The following SNTG1 variants were observed in gnomAD, a reference collection of about 807,000 sequenced individuals.
The protein encoded by SNTG1 is syntrophin gamma 1.
Under a neutral mutation model 74.7 loss-of-function variants are expected in SNTG1, and 39 were observed. The observed-to-expected ratio is 0.52, with a 90% CI of 0.40 to 0.68. The LOEUF (loss-of-function observed/expected upper bound fraction) is 0.68. Ranked by LOEUF, SNTG1 falls within the 30% of genes least tolerant of loss-of-function variation. The pLI is 0.00. For synonymous variants in SNTG1, 254 were observed against 217.1 expected (o/e 1.17, Z -1.49); for missense variants, 685 against 609.5 (o/e 1.12, Z -1.30).
At chr8:50,597,326 TAC>T (rs1397507215) in intron 13 of SNTG1, among the ~76,000 whole-genome samples, 7 of 148,798 alleles carry the variant, frequency 4.7e-5, no homozygotes, top group Non-Finnish European at 1.0e-4. Context: ...CACGTATATA[TAC>T]ACATATATAT....
intron 15 of SNTG1, among the ~76,000 whole-genome samples, chr8:50,662,688 G>T (rs532010172): frequency 6.6e-6 from 1 of 152,282 alleles, no homozygotes; most frequent in South Asian, 2.1e-4. Context: ...AGCCAGCCTG[G>T]TACTGATGAG....
chr8:49,981,270 C>G (rs892878946), intron 1 of SNTG1, among the ~76,000 whole-genome samples: 3 of 152,176 alleles, frequency 2.0e-5, no homozygotes, highest in South Asian at 4.1e-4. Context: ...AAAAAATAAA[C>G]TGGCACCAGA....
chr8:50,333,778 T>C (rs1243064068), intron 2 of SNTG1, among the ~76,000 whole-genome samples: 1 of 151,996 alleles, frequency 6.6e-6, no homozygotes, highest in Non-Finnish European at 1.5e-5. Flanking sequence ...CAAAATAAAC[T>C]AACTAATAAT....
At chr8:50,149,020 G>A (rs1172089889) in intron 1 of SNTG1, among the ~76,000 whole-genome samples, 2 of 152,174 alleles carry the variant, frequency 1.3e-5, no homozygotes, top group Non-Finnish European at 2.9e-5. Context: ...CACCAACAGT[G>A]TAAAAGCGTC....
In SNTG1 at chr8:50,450,574, T is replaced by C. The variant is rs763268924; in HGVS notation, c.296T>C (p.Leu99Pro). ...TTCACAGCGGAACTTTCAGGACTAC[T>C]TTTTATTGGAGATGCAATTCTACAG... ...KEQRAELSGL[L>P]FIGDAILQIN... Residue 99 changes from leucine to proline, a missense_variant, in exon 7 of 19, where the codon CTT becomes CCT. Physicochemically the swap from Leu to Pro is moderately conservative, Grantham distance 98 (BLOSUM62 -3). Transcript: ENST00000642720. 6.2e-7 allele frequency: 1 copy of C among 1,613,494 alleles called. No individual in the cohort carries two copies. The highest frequency in any genetic ancestry group is 1.7e-5 in the Admixed American group (1 of 60,018).
At chr8:50,498,656 T>C (rs2093924837) in intron 8 of SNTG1, among the ~76,000 whole-genome samples, 2 of 151,882 alleles carry the variant, frequency 1.3e-5, no homozygotes, top group Admixed American at 6.6e-5. Flanking sequence ...ACTACAAAAA[T>C]AAATCCTGCC....
chr8:50,413,561 A>G (rs1563352979), intron 4 of SNTG1, among the ~76,000 whole-genome samples: 1 of 152,162 alleles, frequency 6.6e-6, no homozygotes, highest in Admixed American at 6.6e-5. Context: ...ATCTATCTGA[A>G]GATGTATTTT....
intron 4 of SNTG1, among the ~76,000 whole-genome samples, 160 bp downstream of exon 4, chr8:50,402,504 C>T (rs189432123): frequency 8.5e-5 from 13 of 152,258 alleles, no homozygotes; most frequent in East Asian, 3.9e-4. Flanking sequence ...CGGCCCTGTA[C>T]GAGAACCTTG....
At position 49,984,443 on chromosome 8, in the gene SNTG1, A is replaced by T. The variant is rs1461224223; in HGVS notation, c.-103+72212A>T. ...TGATCTCAAACTCCTGACCTCAGGTAATCCGCCCACCTCGGCCTCCCAAAG... is the reference window on the plus strand; with the variant it reads ...TGATCTCAAACTCCTGACCTCAGGTTATCCGCCCACCTCGGCCTCCCAAAG... On this transcript the variant is annotated intron_variant, in intron 1 of 18. Transcript: ENST00000642720. 3.3e-5 allele frequency among the ~76,000 whole-genome samples: 5 copies of T among 152,146 alleles called. No homozygotes were observed. The East Asian group carries it at 5.8e-4, about 18-fold the overall frequency.
At chr8:50,129,000 C>T (rs1319307595) in intron 1 of SNTG1, among the ~76,000 whole-genome samples, 1 of 151,958 alleles carries the variant, frequency 6.6e-6, no homozygotes, top group Admixed American at 6.6e-5. Context: ...TTAGAATTGA[C>T]ATGACCAGTA....
At chr8:50,129,265 A>C (rs2081241456) in intron 1 of SNTG1, among the ~76,000 whole-genome samples, 1 of 152,116 alleles carries the variant, frequency 6.6e-6, no homozygotes, top group Non-Finnish European at 1.5e-5. Flanking sequence ...GATCATTCAG[A>C]GCATCGCATA....
intron 15 of SNTG1, among the ~76,000 whole-genome samples, chr8:50,666,746 A>C (rs1252156540): frequency 6.6e-6 from 1 of 152,106 alleles, no homozygotes; most frequent in Non-Finnish European, 1.5e-5. Flanking sequence ...ACTGTGCTCA[A>C]ATTAAGAATA....
intron 4 of SNTG1, among the ~76,000 whole-genome samples, chr8:50,403,228 C>A (rs1237698757): frequency 6.6e-6 from 1 of 152,186 alleles, no homozygotes; most frequent in Non-Finnish European, 1.5e-5. Context: ...AACAGACTTA[C>A]CTTGGAGTGT....
rs183718383 is a variant in SNTG1 at position 50,681,282 on chromosome 8, G to A, written c.1038+22619G>A. 4.3e-3 allele frequency among the ~76,000 whole-genome samples: 657 copies of A among 151,650 alleles called. 6 individuals are homozygous for A. The highest frequency in any genetic ancestry group is 0.01 in the Middle Eastern group (3 of 290). ...AACTAATACATTGAACATTATAGAG[G>A]ATATAGTTTTTTTTTAAATGTCATT... On this transcript the variant is annotated intron_variant, in intron 15 of 18. Transcript: ENST00000642720.
intron 2 of SNTG1, among the ~76,000 whole-genome samples, chr8:50,268,859 A>C (rs4873445): frequency 0.05 from 7,603 of 151,952 alleles, 433 homozygotes; most frequent in South Asian, 0.17. Flanking sequence ...AGGTTTTGCT[A>C]TGTCACCCTG....
chr8:50,004,026 C>T (rs1480850255), intron 1 of SNTG1, among the ~76,000 whole-genome samples: 1 of 152,034 alleles, frequency 6.6e-6, no homozygotes, highest in Non-Finnish European at 1.5e-5. Flanking sequence ...GCAAAGGGTG[C>T]AGAGTATGGC....
intron 5 of SNTG1, among the ~76,000 whole-genome samples, chr8:50,441,648 T>C (rs1302063881): frequency 1.3e-5 from 2 of 152,194 alleles, no homozygotes; most frequent in Admixed American, 6.6e-5. Context: ...TTTTGTCTAG[T>C]TTTCTTTCCA....
intron 15 of SNTG1, among the ~76,000 whole-genome samples, chr8:50,666,082 A>G (rs757021305): frequency 3.9e-5 from 6 of 152,166 alleles, no homozygotes; most frequent in Admixed American, 2.6e-4. Flanking sequence ...GCTGGGTACA[A>G]ATGAAATCTA....
chr8:49,992,450 T>C (rs1334094001), intron 1 of SNTG1, among the ~76,000 whole-genome samples: 1 of 152,214 alleles, frequency 6.6e-6, no homozygotes, highest in East Asian at 1.9e-4. Context: ...TTATTTCAAA[T>C]GTACAGAAAT....
Sources: allele counts gnomAD v4.1 joint callset (sites outside exome capture counted in the v4.1 genomes callset), GRCh38; gene constraint gnomAD v4.1.1; transcripts MANE v1.5; gene names NCBI Gene and HGNC (gene_info 2026-07-23, HGNC 2026-07-21).